Variants in KCNA2 observed in about 807,000 individuals in gnomAD.
The protein encoded by KCNA2 is potassium voltage-gated channel subfamily A member 2, also known as potassium channel, voltage gated shaker related subfamily A, member 2.
KCNA2 carries 11 observed loss-of-function variants against 33.4 expected under a neutral mutation model. That is an observed-to-expected ratio of 0.33 (90% CI 0.21 to 0.55). KCNA2 has a LOEUF of 0.55. KCNA2 is among the 20% of genes least tolerant of loss of function. The probability of loss-of-function intolerance (pLI) is 0.93; values close to 1 mark genes in which losing one functional copy is unlikely to be tolerated. For missense variants in KCNA2, 291 were observed against 621.6 expected, an observed-to-expected ratio of 0.47 and a Z score of 5.66; for synonymous variants, 222 against 231.3, an observed-to-expected ratio of 0.96 and a Z score of 0.37.
In KCNA2 at chr1:110,597,513, G is replaced by C; in HGVS notation, c.*5770C>G. 1.0e-6 allele frequency: 1 copy of C among 985,350 alleles called. No homozygotes were observed. The highest frequency in any genetic ancestry group is 1.7e-5 in the African/African-American group (1 of 57,342). 61.0% of individuals were successfully genotyped at this position (985,350 alleles called of 1,614,324 possible). A position where few individuals can be genotyped will look rare whatever the true frequency, so the allele number is the denominator to read the frequency against. On this transcript the variant is annotated 3_prime_UTR_variant, in exon 3 of 3. Transcript: ENST00000316361. ...GGGGACAGAGACACACATGGAGACA[G>C]AGAGGTGCACACAGGAAGGAGACAA...
At chr1:110,624,463 T>C (rs551087788) in intron 1 of KCNA2, among the ~76,000 whole-genome samples, 2 of 152,276 alleles carry the variant, frequency 1.3e-5, no homozygotes, top group South Asian at 2.1e-4. Context: ...AGCAGAACAG[T>C]GGTAGCCTGG....
intron 1 of KCNA2, among the ~76,000 whole-genome samples, chr1:110,624,790 A>G (rs916474496): frequency 1.1e-4 from 16 of 152,222 alleles, no homozygotes; most frequent in African/African-American, 3.9e-4. Context: ...CATGAAAAAT[A>G]TAATAACTTA....
At position 110,600,620 on chromosome 1, in the gene KCNA2, ATTT is replaced by A. The variant is rs1209127043; in HGVS notation, c.*2660_*2662del. 1 of 985,250 alleles carries A rather than the reference ATTT, an allele frequency of 1.0e-6. No homozygotes were observed. Among genetic ancestry groups the A allele is most frequent in the Non-Finnish European group, 1.2e-6 (1 of 829,924 alleles). 61.0% of individuals were successfully genotyped at this position (985,250 alleles called of 1,614,324 possible). ...TGAATGTGCATGACTGTATGTGAAC[ATTT>A]TAGAGTCCTGGGCCAAGGACACTGT... On this transcript the variant is annotated 3_prime_UTR_variant, in exon 3 of 3. Coordinates refer to ENST00000316361, the MANE Select transcript of KCNA2 (RefSeq NM_004974.4).
In KCNA2 at chr1:110,601,436, G is replaced by A; in HGVS notation, c.*1847C>T. ...AGAGCCAAATGATAATAAGATCCAA[G>A]TGGCAAGGGAAGAGGTGAAAATGGA... is the stretch of plus-strand genomic sequence containing the variant. On this transcript the variant is annotated 3_prime_UTR_variant, in exon 3 of 3. Transcript: ENST00000316361. 1 of 985,492 alleles carries A rather than the reference G, an allele frequency of 1.0e-6. No homozygotes were observed. Among genetic ancestry groups the A allele is most frequent in the Non-Finnish European group, 1.2e-6 (1 of 829,970 alleles). 61.0% of individuals were successfully genotyped at this position (985,492 alleles called of 1,614,324 possible). A position where few individuals can be genotyped will look rare whatever the true frequency, so the allele number is the denominator to read the frequency against.
intron 1 of KCNA2, among the ~76,000 whole-genome samples, chr1:110,617,578 T>C (rs1390595076): frequency 1.3e-5 from 2 of 152,170 alleles, no homozygotes; most frequent in East Asian, 3.8e-4. Flanking sequence ...AGGAGGAGGT[T>C]GCTTCCCCTC....
In KCNA2 at chr1:110,595,629, G is replaced by A. The variant is rs1174904435; in HGVS notation, c.*7654C>T. On this transcript the variant is annotated 3_prime_UTR_variant, in exon 3 of 3. Transcript: ENST00000316361. ...CACACTAGCAGGCAAGAGGGAGAAT[G>A]AGAGCAGGTTTTAGCTTGCATCCAG... The A allele has an allele frequency of 1.0e-6, 1 of 985,362 alleles. No homozygotes were observed. Among genetic ancestry groups the A allele is most frequent in the Non-Finnish European group, 1.2e-6 (1 of 829,974 alleles). 61.0% of individuals were successfully genotyped at this position (985,362 alleles called of 1,614,324 possible). A position where few individuals can be genotyped will look rare whatever the true frequency, so the allele number is the denominator to read the frequency against.
Position 110,597,511 on chromosome 1 carries a change from CAGAG to C in KCNA2, c.*5768_*5771del. ...GAGGGGACAGAGACACACATGGAGACAGAGAGGTGCACACAGGAAGGAGACAAAG... is the reference window on the plus strand; with the variant it reads ...GAGGGGACAGAGACACACATGGAGACAGGTGCACACAGGAAGGAGACAAAG... On this transcript the variant is annotated 3_prime_UTR_variant, in exon 3 of 3. Coordinates refer to ENST00000316361, the MANE Select transcript of KCNA2 (RefSeq NM_004974.4). 8 of 985,292 alleles carry C rather than the reference CAGAG, an allele frequency of 8.1e-6. No individual in the cohort carries two copies. The highest frequency in any genetic ancestry group is 9.6e-6 in the Non-Finnish European group (8 of 829,876). 61.0% of individuals were successfully genotyped at this position (985,292 alleles called of 1,614,324 possible).
Position 110,600,909 on chromosome 1 carries a change from C to T in KCNA2, c.*2374G>A. The T allele has an allele frequency of 1.0e-6, 1 of 985,492 alleles. No homozygotes were observed. Among genetic ancestry groups the T allele is most frequent in the Non-Finnish European group, 1.2e-6 (1 of 829,988 alleles). The allele number at this position is 985,492 out of a possible 1,614,324, so 61.0% of individuals were successfully genotyped here. A position where few individuals can be genotyped will look rare whatever the true frequency, so the allele number is the denominator to read the frequency against. Reference sequence around the variant, plus strand: ...CCATGCCCCAAGACAACTGTAGGTGCTAACTAGGCAGCAGTGAGGCCTGGG... The same window carrying T: ...CCATGCCCCAAGACAACTGTAGGTGTTAACTAGGCAGCAGTGAGGCCTGGG... On this transcript the variant is annotated 3_prime_UTR_variant, in exon 3 of 3. Coordinates refer to ENST00000316361, the MANE Select transcript of KCNA2 (RefSeq NM_004974.4).
At chr1:110,625,554 A>G (rs970701015) in intron 1 of KCNA2, among the ~76,000 whole-genome samples, 2 of 152,238 alleles carry the variant, frequency 1.3e-5, no homozygotes, top group African/African-American at 4.8e-5. Context: ...ATCTGTCAAT[A>G]TATGACTCAT....
chr1:110,622,337 G>GT (rs930126589), intron 1 of KCNA2, among the ~76,000 whole-genome samples: 24 of 151,946 alleles, frequency 1.6e-4, no homozygotes, highest in Non-Finnish European at 3.4e-4. Context: ...AATAAAGGGA[G>GT]TTTTTTTGAC....
At chr1:110,624,113 A>G (rs1310115653) in intron 1 of KCNA2, among the ~76,000 whole-genome samples, 1 of 152,254 alleles carries the variant, frequency 6.6e-6, no homozygotes, top group African/African-American at 2.4e-5. Flanking sequence ...TTAAGCATAT[A>G]CCTACTATAT....
At chr1:110,615,227 C>T (rs1650010472) in intron 1 of KCNA2, among the ~76,000 whole-genome samples, 2 of 152,166 alleles carry the variant, frequency 1.3e-5, no homozygotes, top group Admixed American at 1.3e-4. Flanking sequence ...TGCCACACAC[C>T]ACTTACCTAG....
Position 110,595,618 on chromosome 1 carries a change from A to C in KCNA2, c.*7665T>G. On this transcript the variant is annotated 3_prime_UTR_variant, in exon 3 of 3. Transcript: ENST00000316361. ...CATGGATCTAACACACTAGCAGGCA[A>C]GAGGGAGAATGAGAGCAGGTTTTAG... 2 of 985,440 alleles carry C rather than the reference A, an allele frequency of 2.0e-6. No homozygotes were observed. The highest frequency in any genetic ancestry group is 9.4e-5 in the South Asian group (2 of 21,284). 61.0% of individuals were successfully genotyped at this position (985,440 alleles called of 1,614,324 possible). A position where few individuals can be genotyped will look rare whatever the true frequency, so the allele number is the denominator to read the frequency against.
rs1649385975 is a variant in KCNA2 at position 110,602,169 on chromosome 1, T to G, written c.*1114A>C. ...CTTCTGGCTTTGCAGAGGTCTGCGT[T>G]CCTGTTTAGAAGAACAGGGATAGGT... On this transcript the variant is annotated 3_prime_UTR_variant, in exon 3 of 3. Coordinates refer to ENST00000316361, the MANE Select transcript of KCNA2 (RefSeq NM_004974.4). 6.4e-7 allele frequency: 1 copy of G among 1,550,496 alleles called. No homozygotes were observed. The highest frequency in any genetic ancestry group is 2.4e-5 in the East Asian group (1 of 40,916).
chr1:110,601,790 A>ATGTGTGTGTGTGTGTG lies in KCNA2; in HGVS notation c.*1492_*1493insCACACACACACACACA, dbSNP rs1450678948. On this transcript the variant is annotated 3_prime_UTR_variant, in exon 3 of 3. Transcript: ENST00000316361. ...CTCCAGAAAATGAATATATATATAT[A>ATGTGTGTGTGTGTGTG]TATATGTGTGTGTGTGTGTGTGTGT... 1 of 1,140,920 alleles carries ATGTGTGTGTGTGTGTG rather than the reference A, an allele frequency of 8.8e-7. No homozygotes were observed. The highest frequency in any genetic ancestry group is 1.8e-5 in the African/African-American group (1 of 54,368). 70.7% of individuals were successfully genotyped at this position (1,140,920 alleles called of 1,614,324 possible).
rs867912792 is a variant in KCNA2, at chr1:110,601,636, T to C, written c.*1647A>G. 1.5e-4 allele frequency: 153 copies of C among 1,019,002 alleles called. No homozygotes were observed. The highest frequency in any genetic ancestry group is 9.4e-4 in the Middle Eastern group (2 of 2,124). 63.1% of individuals were successfully genotyped at this position (1,019,002 alleles called of 1,614,324 possible). A position where few individuals can be genotyped will look rare whatever the true frequency, so the allele number is the denominator to read the frequency against. Reference sequence around the variant, plus strand: ...GACAATTCTAACGTCTAGGAATCCATGGATACCGGAGTGTCTGAGGCAATG... The same window carrying C: ...GACAATTCTAACGTCTAGGAATCCACGGATACCGGAGTGTCTGAGGCAATG... On this transcript the variant is annotated 3_prime_UTR_variant, in exon 3 of 3. Transcript: ENST00000316361.
At position 110,594,094 on chromosome 1, in the gene KCNA2, T is replaced by C; in HGVS notation, c.*9189A>G. On this transcript the variant is annotated 3_prime_UTR_variant, in exon 3 of 3. Coordinates refer to ENST00000316361, the MANE Select transcript of KCNA2 (RefSeq NM_004974.4). ...TCCTTACGAAGCTTTACCATCAGCCTTGGAGTTCCTTCTGCTATTGATCCC... is the reference window on the plus strand; with the variant it reads ...TCCTTACGAAGCTTTACCATCAGCCCTGGAGTTCCTTCTGCTATTGATCCC... 1 of 1,413,836 alleles carries C rather than the reference T, an allele frequency of 7.1e-7. No individual in the cohort carries two copies. 87.6% of individuals were successfully genotyped at this position (1,413,836 alleles called of 1,614,324 possible). A position where few individuals can be genotyped will look rare whatever the true frequency, so the allele number is the denominator to read the frequency against.
At chr1:110,608,659 G>A (rs1165093632), upstream of KCNA2, among the ~76,000 whole-genome samples, 3 of 152,212 alleles carry the variant, frequency 2.0e-5, no homozygotes, top group Non-Finnish European at 2.9e-5. Flanking sequence ...GATGACTATA[G>A]AGAAGGGCTG....
chr1:110,623,469 C>T (rs1335399418), intron 1 of KCNA2, among the ~76,000 whole-genome samples: 1 of 152,144 alleles, frequency 6.6e-6, no homozygotes, highest in African/African-American at 2.4e-5. Flanking sequence ...TAAATTAAAC[C>T]TCGCTGAATT....
Sources: allele counts gnomAD v4.1 joint callset (sites outside exome capture counted in the v4.1 genomes callset), GRCh38; gene constraint gnomAD v4.1.1; transcripts MANE v1.5; gene names NCBI Gene and HGNC (gene_info 2026-07-23, HGNC 2026-07-21).